The following FYB2 variants were observed in gnomAD, a reference collection of about 807,000 sequenced individuals.
The protein encoded by FYB2 is FYN binding protein 2.
Under a neutral mutation model 94.1 loss-of-function variants are expected in FYB2, and 103 were observed. That is an observed-to-expected ratio of 1.09 (90% CI 0.93 to 1.29). The LOEUF (loss-of-function observed/expected upper bound fraction) is 1.29. Ranked by LOEUF, FYB2 falls within the 50% of genes most tolerant of loss-of-function variation. FYB2 has a pLI of 0.00. For missense variants in FYB2, 896 were observed against 841.5 expected, an observed-to-expected ratio of 1.06 and a Z score of -0.80; for synonymous variants, 293 against 287.9, an observed-to-expected ratio of 1.02 and a Z score of -0.18.
chr1:56,727,442 T>C, intron 15 of FYB2, among the ~76,000 whole-genome samples: 1 of 152,010 alleles, frequency 6.6e-6, no homozygotes, highest in East Asian at 1.9e-4. Context: ...TCTACCTCAA[T>C]ACTTATCAAC....
At chr1:56,796,742 A>C (rs1646408916) in intron 1 of FYB2, among the ~76,000 whole-genome samples, 1 of 152,078 alleles carries the variant, frequency 6.6e-6, no homozygotes, top group Non-Finnish European at 1.5e-5. Flanking sequence ...GCCTCACTAA[A>C]TTGCTGACAT....
chr1:56,725,425 A>C (rs1644564707), intron 16 of FYB2, among the ~76,000 whole-genome samples: 1 of 152,076 alleles, frequency 6.6e-6, no homozygotes. Context: ...GTTCAGAATA[A>C]AATTATACTG....
chr1:56,824,703 C>T, the FYB2 span: 2 of 152,238 alleles, frequency 1.3e-5, no homozygotes, highest in Non-Finnish European at 2.9e-5. Flanking sequence ...TGAAAGCAGC[C>T]CTAGGGATCG....
chr1:56,784,351 G>T (rs929885744), intron 4 of FYB2, among the ~76,000 whole-genome samples: 2 of 152,122 alleles, frequency 1.3e-5, no homozygotes, highest in Non-Finnish European at 2.9e-5. Context: ...ATGTGGCTTG[G>T]CTACATGAGA....
At chr1:56,786,631 G>T (rs1646138378) in intron 4 of FYB2, among the ~76,000 whole-genome samples, 1 of 152,130 alleles carries the variant, frequency 6.6e-6, no homozygotes, top group Non-Finnish European at 1.5e-5. Context: ...ATCTTGAGCT[G>T]TAAAATGTGA....
At chr1:56,755,591 G>T (rs1401465605) in intron 7 of FYB2, among the ~76,000 whole-genome samples, 1 of 152,078 alleles carries the variant, frequency 6.6e-6, no homozygotes, top group African/African-American at 2.4e-5. Context: ...TAATTCAGGA[G>T]ATCCTGAAAG....
chr1:56,723,019 A>G (rs867129249), intron 17 of FYB2, among the ~76,000 whole-genome samples: 13 of 152,056 alleles, frequency 8.5e-5, no homozygotes, highest in African/African-American at 3.1e-4. Flanking sequence ...ACAGAATAAG[A>G]AGGCAGAGAG....
intron 4 of FYB2, among the ~76,000 whole-genome samples, chr1:56,785,457 G>A (rs765513721): frequency 1.4e-4 from 22 of 152,076 alleles, no homozygotes; most frequent in Non-Finnish European, 2.8e-4. Flanking sequence ...ACATAAATAC[G>A]CATAGAACAC....
chr1:56,752,068 G>A (rs1774807), intron 8 of FYB2, among the ~76,000 whole-genome samples: 33,854 of 151,880 alleles, frequency 0.22, 3,870 homozygotes, highest in South Asian at 0.33. Context: ...ATTTGGGGAA[G>A]TGTTTGTGTC....
Position 56,718,898 on chromosome 1 carries a change from T to C in FYB2, c.*773A>G, listed in dbSNP as rs974836594. On this transcript the variant is annotated 3_prime_UTR_variant, in exon 20 of 20. Coordinates refer to ENST00000343433, the MANE Select transcript of FYB2 (RefSeq NM_001004303.5). ...GCTTTTAAATTTTTATTTAATTCCA[T>C]ATAAATGAAAGTACATATGAATGCT... The C allele has an allele frequency of 6.6e-6, 1 of 152,606 alleles. No homozygotes were observed. Among genetic ancestry groups the C allele is most frequent in the Non-Finnish European group, 1.5e-5 (1 of 68,014 alleles). 9.5% of individuals were successfully genotyped at this position (152,606 alleles called of 1,614,324 possible).
intron 11 of FYB2, among the ~76,000 whole-genome samples, chr1:56,743,757 T>C (rs1277088340): frequency 6.6e-6 from 1 of 151,950 alleles, no homozygotes; most frequent in Non-Finnish European, 1.5e-5. Context: ...ATAATCAGAC[T>C]TACACTGTGA....
At chr1:56,808,268 C>T (rs981171891) in intron 1 of FYB2, among the ~76,000 whole-genome samples, 53 of 152,108 alleles carry the variant, frequency 3.5e-4, no homozygotes, top group Admixed American at 3.4e-3. Flanking sequence ...CAGAACTAGA[C>T]CCACTGACCT....
At chr1:56,805,880 T>C (rs919208985) in intron 1 of FYB2, among the ~76,000 whole-genome samples, 8 of 152,180 alleles carry the variant, frequency 5.3e-5, no homozygotes, top group African/African-American at 1.9e-4. Context: ...TCCCCAGCCA[T>C]ATGGAACTGT....
At chr1:56,742,094 A>C in intron 12 of FYB2, 67 bp downstream of exon 12, 1 of 1,444,550 alleles carries the variant, frequency 6.9e-7, no homozygotes, top group Non-Finnish European at 9.6e-7. Context: ...GTCCTCACTG[A>C]AACTCTGGCT....
the FYB2 span, chr1:56,826,447 T>C: frequency 6.6e-6 from 1 of 152,392 alleles, no homozygotes; most frequent in Non-Finnish European, 1.5e-5. Flanking sequence ...GGGCTCCCTA[T>C]ACTTGCTAGA....
Position 56,719,101 on chromosome 1 carries a change from GAAAC to G in FYB2, c.*566_*569del, listed in dbSNP as rs764164445. On this transcript the variant is annotated 3_prime_UTR_variant, in exon 20 of 20. Coordinates refer to ENST00000343433, the MANE Select transcript of FYB2 (RefSeq NM_001004303.5). ...ATTTTTCTGCAAACTATTCCCAAAA[GAAAC>G]AAATGTGGAACAGTATTCATATGAG... The G allele has an allele frequency of 2.6e-5, 4 of 152,180 alleles. No homozygotes were observed. The highest frequency in any genetic ancestry group is 4.4e-5 in the Non-Finnish European group (3 of 67,984). The allele number at this position is 152,180 out of a possible 1,614,324, so 9.4% of individuals were successfully genotyped here.
At chr1:56,757,697 TC>T (rs757644737) in intron 6 of FYB2, among the ~76,000 whole-genome samples, 5 of 83,604 alleles carry the variant, frequency 6.0e-5, no homozygotes, top group Non-Finnish European at 9.0e-5. Context: ...CTTCTTTCTT[TC>T]TTTCTTTCTT....
intron 9 of FYB2, among the ~76,000 whole-genome samples, chr1:56,745,930 C>CT (rs1361108855): frequency 1.3e-5 from 2 of 152,024 alleles, no homozygotes; most frequent in East Asian, 3.9e-4. Context: ...GGGATTTGCA[C>CT]TTTTTTTCTC....
rs149435848 is a variant in FYB2 at position 56,759,494 on chromosome 1, A to G, written c.1064-744T>C. Among the ~76,000 whole-genome samples the G allele has an allele frequency of 2.5e-3, 379 of 152,336 alleles. 1 individual carries two copies. The highest frequency in any genetic ancestry group is 8.7e-3 in the African/African-American group (362 of 41,582). On this transcript the variant is annotated intron_variant, in intron 5 of 19. Coordinates refer to ENST00000343433, the MANE Select transcript of FYB2 (RefSeq NM_001004303.5). ...TACTGTAGGTAATTGTAACACAGTT[A>G]TAGATAGTTGTGTATCTAAACATAG...
Sources: allele counts gnomAD v4.1 joint callset (sites outside exome capture counted in the v4.1 genomes callset), GRCh38; gene constraint gnomAD v4.1.1; transcripts MANE v1.5; gene names NCBI Gene and HGNC (gene_info 2026-07-23, HGNC 2026-07-21).